ZNF438: variants seen among roughly 807,000 people sequenced by gnomAD.
ZNF438 encodes zinc finger protein 438.
In ZNF438, 25 loss-of-function variants were observed where a neutral mutation model predicts 38.0. That is an observed-to-expected ratio of 0.66 (90% CI 0.48 to 0.92). The LOEUF is 0.92. Among genes scored for constraint, ZNF438 ranks in the 40% least tolerant of loss-of-function variants. ZNF438 has a pLI of 0.00. For synonymous variants in ZNF438, 372 were observed against 364.1 expected, an observed-to-expected ratio of 1.02 and a Z score of -0.25; for missense variants, 1,007 against 999.6, an observed-to-expected ratio of 1.01 and a Z score of -0.10.
chr10:30,898,548 A>ATATTGTATAT (rs2041629143), intron 3 of ZNF438, among the ~76,000 whole-genome samples: 1 of 152,142 alleles, frequency 6.6e-6, no homozygotes, highest in Non-Finnish European at 1.5e-5. Flanking sequence ...ATATATAACT[A>ATATTGTATAT]TATTGTATAT....
At chr10:30,965,298 G>T (rs1268637566) in intron 1 of ZNF438, among the ~76,000 whole-genome samples, 4 of 152,188 alleles carry the variant, frequency 2.6e-5, no homozygotes, top group Non-Finnish European at 5.9e-5. Context: ...ATGCTGGTGA[G>T]GCTGCAGAGA....
intron 4 of ZNF438, among the ~76,000 whole-genome samples, chr10:30,866,893 T>C (rs569996239): frequency 2.0e-5 from 3 of 152,182 alleles, no homozygotes; most frequent in East Asian, 1.9e-4. Context: ...TTTTAAAATA[T>C]CGCACAATGA....
chr10:30,850,334 C>G (rs772794442), exon 5 of ZNF438: 1 of 1,613,904 alleles, frequency 6.2e-7, no homozygotes, highest in East Asian at 2.2e-5. Context: ...ACCTTTCCTA[C>G]TCTGTATTGT....
At chr10:30,849,691 C>A (rs760803207) in exon 5 of ZNF438, 46 of 1,614,052 alleles carry the variant, frequency 2.8e-5, no homozygotes, top group Non-Finnish European at 3.8e-5. Context: ...AGTGTGCTTT[C>A]CCTGAAAGAG....
intron 4 of ZNF438, among the ~76,000 whole-genome samples, chr10:30,867,835 ATATT>A (rs1265496107): frequency 6.6e-6 from 1 of 152,224 alleles, no homozygotes; most frequent in Non-Finnish European, 1.5e-5. Flanking sequence ...CCTAACACAA[ATATT>A]AATTATAATT....
rs142000768 is a variant in ZNF438 at position 30,992,553 on chromosome 10, C to T, written c.-192+39280G>A. Among the ~76,000 whole-genome samples the T allele has an allele frequency of 0.011, 1,738 of 152,166 alleles. 130 individuals carry two copies. In the East Asian group the frequency reaches 0.18, roughly 16 times the overall value. ...TCAGCCTCCCAAGTAGCTGGGATTA[C>T]AGGCATGCGCCACCAAGCCCCACTA... On this transcript the variant is annotated intron_variant, in intron 1 of 5. Transcript: ENST00000413025.
chr10:30,869,047 C>T (rs1489930758), intron 4 of ZNF438, among the ~76,000 whole-genome samples: 2 of 152,148 alleles, frequency 1.3e-5, no homozygotes, highest in Admixed American at 6.5e-5. Context: ...GTAAATTATC[C>T]GATTACCAGC....
chr10:31,008,896 C>T (rs1002722965), intron 1 of ZNF438, among the ~76,000 whole-genome samples: 1 of 152,134 alleles, frequency 6.6e-6, no homozygotes, highest in Admixed American at 6.5e-5. Flanking sequence ...ATGTATGGAG[C>T]GTCCAATTAC....
intron 1 of ZNF438, among the ~76,000 whole-genome samples, chr10:30,989,591 A>C (rs1359642059): frequency 6.6e-6 from 1 of 152,200 alleles, no homozygotes; most frequent in Non-Finnish European, 1.5e-5. Context: ...TGCTGAATAA[A>C]CTAAAGTCTC....
In ZNF438 at chr10:31,003,909, G is replaced by C. The variant is rs74908382; in HGVS notation, c.-192+27924C>G. ...TAAATAATCTAAAATCTGAAAATCT[G>C]GGGGGAGAGCATATATGGAAGAAAA... On this transcript the variant is annotated intron_variant, in intron 1 of 5. Transcript: ENST00000413025. 3.4e-3 allele frequency among the ~76,000 whole-genome samples: 514 copies of C among 152,240 alleles called. 5 individuals are homozygous for C. The highest frequency in any genetic ancestry group is 0.012 in the African/African-American group (492 of 41,542).
At chr10:30,882,475 A>T (rs2039397198) in intron 3 of ZNF438, among the ~76,000 whole-genome samples, 1 of 152,246 alleles carries the variant, frequency 6.6e-6, no homozygotes, top group African/African-American at 2.4e-5. Context: ...TCACCAACAG[A>T]TGGAATATAT....
chr10:30,994,636 C>A (rs571396937), intron 1 of ZNF438, among the ~76,000 whole-genome samples: 6 of 152,278 alleles, frequency 3.9e-5, no homozygotes, highest in East Asian at 3.9e-4. Context: ...AAATAAATTT[C>A]TTTTCCTTAT....
intron 2 of ZNF438, among the ~76,000 whole-genome samples, chr10:30,917,158 G>A (rs1466274693): frequency 6.6e-6 from 1 of 151,910 alleles, no homozygotes; most frequent in Admixed American, 6.6e-5. Context: ...TAGAAGCAAC[G>A]ACTTTTCTCA....
chr10:30,959,253 T>A (rs545994501), intron 1 of ZNF438, among the ~76,000 whole-genome samples: 1 of 146,782 alleles, frequency 6.8e-6, no homozygotes, highest in African/African-American at 2.4e-5. Flanking sequence ...AGCAGATGGT[T>A]CTCCATTATA....
intron 1 of ZNF438, among the ~76,000 whole-genome samples, chr10:30,994,686 T>A (rs1176881834): frequency 6.6e-6 from 1 of 152,040 alleles, no homozygotes; most frequent in Non-Finnish European, 1.5e-5. Context: ...TAACAGAAAA[T>A]GGACTAAAAC....
At chr10:30,862,251 G>A (rs144252372) in intron 4 of ZNF438, among the ~76,000 whole-genome samples, 4 of 152,252 alleles carry the variant, frequency 2.6e-5, no homozygotes, top group African/African-American at 7.2e-5. Flanking sequence ...CACAGATATG[G>A]CATGGCAAGA....
At chr10:30,959,269 G>A (rs1300801767) in intron 1 of ZNF438, among the ~76,000 whole-genome samples, 1 of 146,670 alleles carries the variant, frequency 6.8e-6, no homozygotes, top group East Asian at 1.9e-4. Flanking sequence ...TTATATGGGG[G>A]AGCTTCATCT....
intron 1 of ZNF438, among the ~76,000 whole-genome samples, chr10:31,011,333 G>A (rs147826654): frequency 1.3e-5 from 2 of 152,330 alleles, no homozygotes; most frequent in Non-Finnish European, 2.9e-5. Flanking sequence ...CTGCACTCCT[G>A]ACCCCCATTT....
At chr10:30,857,132 C>T (rs2034779931) in intron 4 of ZNF438, among the ~76,000 whole-genome samples, 1 of 152,042 alleles carries the variant, frequency 6.6e-6, no homozygotes, top group Non-Finnish European at 1.5e-5. Flanking sequence ...CTTCATTTTC[C>T]TTCAAAGGGC....
Sources: gnomAD v4.1 joint callset for allele counts (sites outside exome capture counted in the v4.1 genomes callset) on GRCh38, gnomAD v4.1.1 for gene constraint, MANE v1.5 for transcripts, NCBI Gene and HGNC (gene_info 2026-07-23, HGNC 2026-07-21) for gene names.